CFAP99: variants seen among roughly 807,000 people sequenced by gnomAD.
CFAP99 encodes cilia- and flagella-associated protein 99.
In CFAP99, 84 loss-of-function variants were observed where a neutral mutation model predicts 82.7. The observed-to-expected ratio is 1.02, with a 90% CI of 0.85 to 1.22. The LOEUF is 1.22. CFAP99 is among the 50% of genes most tolerant of loss of function. The pLI, the probability that CFAP99 is intolerant of heterozygous loss-of-function variation, is 0.00. For synonymous variants in CFAP99, 456 were observed against 429.5 expected (o/e 1.06, Z -0.76); for missense variants, 1,059 against 983.5 (o/e 1.08, Z -1.03).
intron 14 of CFAP99, among the ~76,000 whole-genome samples, chr4:2,461,242 T>A (rs1734614141): frequency 1.3e-5 from 2 of 152,054 alleles, no homozygotes; most frequent in South Asian, 4.1e-4. Context: ...GGTCCTGGGG[T>A]CAGGCTGGCC....
intron 2 of CFAP99, among the ~76,000 whole-genome samples, chr4:2,433,615 G>A (rs1733845336): frequency 6.6e-6 from 1 of 152,178 alleles, no homozygotes; most frequent in Admixed American, 6.5e-5. Flanking sequence ...CTCACAGGAT[G>A]TCACTGGGTC....
chr4:2,436,801 A>G (rs1463826728), intron 2 of CFAP99, 73 bp from the exon 3 acceptor site: 1 of 1,238,662 alleles, frequency 8.1e-7, no homozygotes, highest in Non-Finnish European at 1.1e-6. Context: ...GCCTTTGCCC[A>G]AGTGTCCCAC....
At chr4:2,455,115 G>A (rs184885477) in intron 11 of CFAP99, among the ~76,000 whole-genome samples, 2 of 152,346 alleles carry the variant, frequency 1.3e-5, no homozygotes, top group Admixed American at 1.3e-4. Context: ...GCCCAGGCTG[G>A]TCTCTAACTC....
chr4:2,461,275 A>G (rs1371138142), intron 14 of CFAP99, among the ~76,000 whole-genome samples: 1 of 152,174 alleles, frequency 6.6e-6, no homozygotes, highest in East Asian at 1.9e-4. Flanking sequence ...CCTAGTTCCC[A>G]GGGAGGCCCA....
intron 14 of CFAP99, among the ~76,000 whole-genome samples, chr4:2,461,395 C>CA (rs1484564464): frequency 6.6e-6 from 1 of 152,216 alleles, no homozygotes; most frequent in Non-Finnish European, 1.5e-5. Context: ...AAGGACTAAT[C>CA]ATTGCTGATG....
chr4:2,430,660 A>G (rs746552069), intron 2 of CFAP99, among the ~76,000 whole-genome samples: 8 of 152,270 alleles, frequency 5.3e-5, no homozygotes, highest in Non-Finnish European at 1.2e-4. Context: ...GTACTAAGCC[A>G]GGCATGGTGG....
intron 6 of CFAP99, among the ~76,000 whole-genome samples, chr4:2,449,290 C>T (rs1734245389): frequency 6.6e-6 from 1 of 152,098 alleles, no homozygotes; most frequent in Admixed American, 6.5e-5. Context: ...GCCTCTCCTG[C>T]CCAGGCAGCC....
chr4:2,453,905 C>T (rs903075788), intron 11 of CFAP99, among the ~76,000 whole-genome samples: 1 of 150,882 alleles, frequency 6.6e-6, no homozygotes, highest in Non-Finnish European at 1.5e-5. Flanking sequence ...CTTCCGCCTC[C>T]CGGGTTCAAG....
At chr4:2,452,051 C>A in intron 10 of CFAP99, 91 bp from the exon 11 acceptor site, 1 of 1,350,268 alleles carries the variant, frequency 7.4e-7, no homozygotes, top group Non-Finnish European at 1.0e-6. Context: ...CACGCCTGCG[C>A]AGCCACTGTC....
exon 3 of CFAP99, chr4:2,436,909 G>A (rs2108719077): frequency 2.0e-6 from 3 of 1,536,070 alleles, no homozygotes; most frequent in East Asian, 2.4e-5. Flanking sequence ...TTGTTTTGGA[G>A]GTTCTGTCTG....
chr4:2,451,297 G>A lies in CFAP99; in HGVS notation c.901G>A (p.Ala301Thr), dbSNP rs778982575. The change falls in exon 10 of 15, where the codon GCC becomes ACC. Residue 301 changes from alanine (A) to threonine (T), a missense_variant. By Grantham distance (58) the Ala-to-Thr change is moderately conservative. Coordinates refer to ENST00000635017, the Ensembl canonical transcript of CFAP99. ...CATCCTGGTCAAGCTGAACACCACA[G>A]CCATCCTGCGAGAAGGGGCCTTGTA... 36 of 1,536,076 alleles carry A rather than the reference G, an allele frequency of 2.3e-5. No individual in the cohort carries two copies. In the Middle Eastern group the frequency reaches 6.7e-4, roughly 29 times the overall value.
chr4:2,452,051 C>G, intron 10 of CFAP99, 91 bp from the exon 11 acceptor site: 1 of 1,350,270 alleles, frequency 7.4e-7, no homozygotes, highest in Non-Finnish European at 1.0e-6. Context: ...CACGCCTGCG[C>G]AGCCACTGTC....
At chr4:2,437,117 A>C in intron 3 of CFAP99, 99 bp downstream of exon 3, 1 of 1,406,592 alleles carries the variant, frequency 7.1e-7, no homozygotes, top group Non-Finnish European at 9.6e-7. Flanking sequence ...AGGCGGGGCC[A>C]GCTCCTCCTT....
intron 2 of CFAP99, among the ~76,000 whole-genome samples, chr4:2,436,539 C>T (rs984495259): frequency 3.3e-5 from 5 of 152,172 alleles, no homozygotes; most frequent in East Asian, 1.9e-4. Context: ...CTCTCATGCC[C>T]GCTGGCCCCT....
chr4:2,462,467 G>A lies in CFAP99; in HGVS notation c.1686G>A (p.Ala562=). 1.4e-6 allele frequency: 2 copies of A among 1,467,156 alleles called. No homozygotes were observed. Among genetic ancestry groups the A allele is most frequent in the Non-Finnish European group, 1.8e-6 (2 of 1,119,466 alleles). The allele number at this position is 1,467,156 out of a possible 1,614,324, so 90.9% of individuals were successfully genotyped here. A position where few individuals can be genotyped will look rare whatever the true frequency, so the allele number is the denominator to read the frequency against. Residue 562 remains alanine, a synonymous_variant, in exon 15 of 15, where the codon GCG becomes GCA. Coordinates refer to ENST00000635017, the Ensembl canonical transcript of CFAP99. The surrounding 1 kb of genome is among the most constrained non-coding windows in gnomAD (Gnocchi z 4.1). ...GGTGGGAGGAAAAGAAGGCCCTTGC[G>A]GCGGCCCCGGCGGCGCCCTCGCAGG... is the stretch of plus-strand genomic sequence containing the variant.
intron 1 of CFAP99, among the ~76,000 whole-genome samples, chr4:2,419,732 G>A (rs988261209): frequency 6.6e-6 from 1 of 152,112 alleles, no homozygotes; most frequent in African/African-American, 2.4e-5. Flanking sequence ...GTGAGCCTAG[G>A]CGCGCTGGCA....
At chr4:2,449,974 C>T (rs1451717819) in exon 8 of CFAP99, 21 of 1,536,180 alleles carry the variant, frequency 1.4e-5, no homozygotes, top group Non-Finnish European at 1.8e-5. Context: ...CTGCGCTGCG[C>T]CATGCCCAGG....
At chr4:2,441,806 A>T (rs1016131934) in intron 4 of CFAP99, among the ~76,000 whole-genome samples, 8 of 152,178 alleles carry the variant, frequency 5.3e-5, no homozygotes, top group Admixed American at 1.3e-4. Flanking sequence ...AGCTACTGGG[A>T]CGCCACCTTG....
chr4:2,422,912 T>G (rs1032652499), intron 1 of CFAP99, among the ~76,000 whole-genome samples: 1 of 152,148 alleles, frequency 6.6e-6, no homozygotes, highest in African/African-American at 2.4e-5. Flanking sequence ...GCTCAAGGGA[T>G]CCTCCCACCT....
Sources: allele counts gnomAD v4.1 joint callset (sites outside exome capture counted in the v4.1 genomes callset), GRCh38; gene constraint gnomAD v4.1.1; non-coding constraint Gnocchi (gnomAD v3.1); transcripts MANE v1.5; gene names NCBI Gene and HGNC (gene_info 2026-07-23, HGNC 2026-07-21).